The following SPPL3 variants were observed in gnomAD, a reference collection of about 807,000 sequenced individuals.
The protein encoded by SPPL3 is signal peptide peptidase like 3, also known as signal peptide peptidase-like 3.
In SPPL3, 5 loss-of-function variants were observed where a neutral mutation model predicts 42.4. The ratio of observed to expected loss-of-function variants is 0.12; its 90% CI spans 0.06 to 0.25. SPPL3 has a LOEUF of 0.25. Ranked by LOEUF, SPPL3 falls within the 10% of genes least tolerant of loss-of-function variation. SPPL3 has a pLI of 1.00. For synonymous variants in SPPL3, 195 were observed against 181.8 expected, an observed-to-expected ratio of 1.07 and a Z score of -0.58; for missense variants, 235 against 489.0, an observed-to-expected ratio of 0.48 and a Z score of 4.90.
rs183084786 is a variant in SPPL3, at chr12:120,813,514, T to A, written c.24-2628A>T. On this transcript the variant is annotated intron_variant, in intron 1 of 10. Coordinates refer to ENST00000353487, the MANE Select transcript of SPPL3 (RefSeq NM_139015.5). Reference sequence around the variant, plus strand: ...TTTGTATTTTTAGTAAGAGACGGGGTTTCATCATGTTGGCCAGGCTGGTCT... The same window carrying A: ...TTTGTATTTTTAGTAAGAGACGGGGATTCATCATGTTGGCCAGGCTGGTCT... Among the ~76,000 whole-genome samples the A allele has an allele frequency of 4.5e-3, 678 of 151,848 alleles. 2 individuals carry two copies. The highest frequency in any genetic ancestry group is 0.015 in the Admixed American group (230 of 15,250).
Position 120,902,488 on chromosome 12 carries a change from T to C in SPPL3, c.23+1357A>G, listed in dbSNP as rs143584184. On this transcript the variant is annotated intron_variant, in intron 1 of 10. Transcript: ENST00000353487. ...TAGTAAGATCTGTGGCACTTCACAG[T>C]TTGCCAAGTGCTTTCTAAATGTACT... is the stretch of plus-strand genomic sequence containing the variant. Among the ~76,000 whole-genome samples, 5 of 152,312 alleles carry C rather than the reference T, an allele frequency of 3.3e-5. No individual in the cohort carries two copies. The East Asian group carries it at 9.6e-4, about 29-fold the overall frequency.
At chr12:120,847,804 T>C (rs542873991) in intron 1 of SPPL3, among the ~76,000 whole-genome samples, 12 of 152,260 alleles carry the variant, frequency 7.9e-5, no homozygotes, top group African/African-American at 2.9e-4. Flanking sequence ...TAATATTCCA[T>C]AGCAGAGAAC....
chr12:120,794,270 CTA>C (rs1364127904), intron 2 of SPPL3, among the ~76,000 whole-genome samples: 1 of 139,854 alleles, frequency 7.2e-6, no homozygotes, highest in Non-Finnish European at 1.5e-5. Context: ...TTACTTTTAA[CTA>C]TTTTTTTTTT....
At chr12:120,884,708 T>C (rs1418397009) in intron 1 of SPPL3, among the ~76,000 whole-genome samples, 1 of 151,746 alleles carries the variant, frequency 6.6e-6, no homozygotes. Context: ...TTTTCACCAA[T>C]AAAATATGGT....
At chr12:120,774,330 T>A (rs1440382536) in intron 6 of SPPL3, among the ~76,000 whole-genome samples, 1 of 152,212 alleles carries the variant, frequency 6.6e-6, no homozygotes. Flanking sequence ...TCTGTTCACA[T>A]AATTTCCTGC....
chr12:120,851,015 G>C (rs1040755129), intron 1 of SPPL3, among the ~76,000 whole-genome samples: 12 of 152,090 alleles, frequency 7.9e-5, no homozygotes, highest in Middle Eastern at 3.2e-3. Flanking sequence ...TATATTCATA[G>C]GTTCTAGAGA....
chr12:120,860,934 G>A (rs546771862), intron 1 of SPPL3, among the ~76,000 whole-genome samples: 6 of 152,158 alleles, frequency 3.9e-5, no homozygotes, highest in African/African-American at 1.2e-4. Context: ...AAACAGTGTA[G>A]TATTTACATA....
chr12:120,815,718 T>TTTTTATTTTA (rs963272665), intron 1 of SPPL3, among the ~76,000 whole-genome samples: 1 of 152,068 alleles, frequency 6.6e-6, no homozygotes, highest in Non-Finnish European at 1.5e-5. Flanking sequence ...AAGTCTGGAA[T>TTTTTATTTTA]TTTTATTTTA....
In SPPL3 at chr12:120,791,606, A is replaced by T. The variant is rs368470188; in HGVS notation, c.102-49T>A. On this transcript the variant is annotated intron_variant, in intron 2 of 10. Coordinates refer to ENST00000353487, the MANE Select transcript of SPPL3 (RefSeq NM_139015.5). ...AAGTTGTAGTTTTGCTTACAAAAGA[A>T]GGTCAGAAAAGTCATATGACAATAT... 498 of 1,238,996 alleles carry T rather than the reference A, an allele frequency of 4.0e-4. 3 individuals are homozygous for T. In the African/African-American group the frequency reaches 6.9e-3, roughly 17 times the overall value. 76.8% of individuals were successfully genotyped at this position (1,238,996 alleles called of 1,614,324 possible).
At chr12:120,856,987 G>C (rs538546315) in intron 1 of SPPL3, among the ~76,000 whole-genome samples, 1 of 152,230 alleles carries the variant, frequency 6.6e-6, no homozygotes, top group East Asian at 1.9e-4. Context: ...TAAACTAAAA[G>C]CTAACCATCT....
intron 1 of SPPL3, among the ~76,000 whole-genome samples, chr12:120,814,275 A>G (rs1362051592): frequency 6.6e-6 from 1 of 152,170 alleles, no homozygotes; most frequent in African/African-American, 2.4e-5. Flanking sequence ...AGCACCTCAC[A>G]GGGGTGCTAC....
chr12:120,902,739 A>G (rs1464495186), intron 1 of SPPL3, among the ~76,000 whole-genome samples: 2 of 152,212 alleles, frequency 1.3e-5, no homozygotes, highest in East Asian at 3.8e-4. Flanking sequence ...ATTTGCTTCA[A>G]GAGTAAACCA....
chr12:120,852,171 G>T (rs1872244785), intron 1 of SPPL3, among the ~76,000 whole-genome samples: 1 of 151,982 alleles, frequency 6.6e-6, no homozygotes. Context: ...TGACGAAAGT[G>T]TGCTCTCTGT....
intron 5 of SPPL3, 59 bp from the exon 6 acceptor site, chr12:120,782,826 T>G: frequency 7.9e-7 from 1 of 1,258,674 alleles, no homozygotes; most frequent in South Asian, 1.3e-5. Context: ...AACCAAATTC[T>G]CCTTTGGTAT....
chr12:120,843,589 A>G (rs895214194), intron 1 of SPPL3, among the ~76,000 whole-genome samples: 1 of 152,114 alleles, frequency 6.6e-6, no homozygotes, highest in Non-Finnish European at 1.5e-5. Context: ...TTCCCAGGGC[A>G]CTAGGTGTAC....
intron 2 of SPPL3, among the ~76,000 whole-genome samples, chr12:120,797,790 C>G (rs1870154927): frequency 6.6e-6 from 1 of 152,188 alleles, no homozygotes; most frequent in African/African-American, 2.4e-5. Context: ...AATGACTGGG[C>G]TCAGGTCACA....
chr12:120,816,860 GAA>G (rs1870896804), intron 1 of SPPL3, among the ~76,000 whole-genome samples: 1 of 152,140 alleles, frequency 6.6e-6, no homozygotes, highest in Non-Finnish European at 1.5e-5. Context: ...ATGACAAACT[GAA>G]GTTTCTATCT....
At chr12:120,862,432 T>A (rs1011587654) in intron 1 of SPPL3, among the ~76,000 whole-genome samples, 4 of 152,154 alleles carry the variant, frequency 2.6e-5, no homozygotes, top group African/African-American at 9.7e-5. Context: ...CAAGTCCAGG[T>A]CACCCGTACT....
At chr12:120,894,367 G>C (rs1406329316) in intron 1 of SPPL3, among the ~76,000 whole-genome samples, 1 of 152,110 alleles carries the variant, frequency 6.6e-6, no homozygotes, top group South Asian at 2.1e-4. Context: ...AATTTCATAA[G>C]TTTATAAAGT....
Sources: gnomAD v4.1 joint callset for allele counts (sites outside exome capture counted in the v4.1 genomes callset) on GRCh38, gnomAD v4.1.1 for gene constraint, MANE v1.5 for transcripts, NCBI Gene and HGNC (gene_info 2026-07-23, HGNC 2026-07-21) for gene names.